ETS1: variants seen among roughly 807,000 people sequenced by gnomAD.
ETS1 encodes ETS proto-oncogene 1, transcription factor.
Under a neutral mutation model 58.6 loss-of-function variants are expected in ETS1, and 15 were observed. The ratio of observed to expected loss-of-function variants is 0.26; its 90% CI spans 0.17 to 0.39. ETS1 has a LOEUF of 0.39. Ranked by LOEUF, ETS1 falls within the 10% of genes least tolerant of loss-of-function variation. ETS1 has a pLI of 1.00. For missense variants in ETS1, 417 were observed against 610.5 expected, an observed-to-expected ratio of 0.68 and a Z score of 3.34; for synonymous variants, 214 against 218.2, an observed-to-expected ratio of 0.98 and a Z score of 0.17.
chr11:128,575,630 AG>A (rs1864730245), intron 1 of ETS1, among the ~76,000 whole-genome samples: 1 of 152,192 alleles, frequency 6.6e-6, no homozygotes, highest in Admixed American at 6.5e-5. Context: ...CTCTATCTTC[AG>A]GCAGTGGAAT....
chr11:128,476,547 G>A (rs1412643526), intron 8 of ETS1, among the ~76,000 whole-genome samples: 2 of 152,228 alleles, frequency 1.3e-5, no homozygotes, highest in African/African-American at 2.4e-5. Context: ...TATGAAATGG[G>A]ACTAGAGGGG....
chr11:128,540,264 C>T (rs977875007), intron 3 of ETS1, among the ~76,000 whole-genome samples: 6 of 134,920 alleles, frequency 4.4e-5, no homozygotes, highest in East Asian at 2.3e-4. Context: ...ATGCAGTGAG[C>T]GGAGATTGTG....
In ETS1 at chr11:128,545,485, T is replaced by C. The variant is rs975309234; in HGVS notation, c.214+10806A>G. Among the ~76,000 whole-genome samples, 7 of 152,148 alleles carry C rather than the reference T, an allele frequency of 4.6e-5. No homozygotes were observed. In the South Asian group the frequency reaches 6.2e-4, roughly 13 times the overall value. ...GGGGAGGTAAGTTGACCTCTCTGAG[T>C]CTTATTTATCTCATCTGTAAAATGG... On this transcript the variant is annotated intron_variant, in intron 3 of 9. Transcript: ENST00000392668.
At chr11:128,530,708 G>A (rs998127046) in intron 3 of ETS1, among the ~76,000 whole-genome samples, 4 of 152,054 alleles carry the variant, frequency 2.6e-5, no homozygotes, top group African/African-American at 9.7e-5. Flanking sequence ...ACTGTGAGAG[G>A]AAAAAACAAA....
At chr11:128,563,719 G>A (rs1450522747) in intron 2 of ETS1, among the ~76,000 whole-genome samples, 5 of 152,204 alleles carry the variant, frequency 3.3e-5, no homozygotes, top group African/African-American at 9.7e-5. Flanking sequence ...TGCATGAAAG[G>A]TCTTACATTG....
intron 3 of ETS1, among the ~76,000 whole-genome samples, chr11:128,492,827 CAG>C (rs1449315423): frequency 6.6e-6 from 1 of 152,200 alleles, no homozygotes; most frequent in South Asian, 2.1e-4. Context: ...TCTAGTTAAC[CAG>C]AGAGTATTGC....
At chr11:128,504,774 C>G (rs997232778) in intron 3 of ETS1, among the ~76,000 whole-genome samples, 1 of 152,124 alleles carries the variant, frequency 6.6e-6, no homozygotes, top group Admixed American at 6.5e-5. Flanking sequence ...ATCTTCACTA[C>G]TATCAAGTCC....
intron 3 of ETS1, among the ~76,000 whole-genome samples, chr11:128,519,408 C>T (rs1863605470): frequency 6.6e-6 from 1 of 152,188 alleles, no homozygotes; most frequent in Non-Finnish European, 1.5e-5. Context: ...TAAGATCCCA[C>T]ACTAGCTGTC....
chr11:128,571,525 A>C (rs1864633631), intron 2 of ETS1, among the ~76,000 whole-genome samples: 2 of 141,886 alleles, frequency 1.4e-5, no homozygotes, highest in Non-Finnish European at 3.0e-5. Context: ...AAAAAAAAAA[A>C]AAAAAAAAAA....
rs768643755 is a variant in ETS1, at chr11:128,573,050, G to A, written c.69+12C>T. 57 of 1,598,140 alleles carry A rather than the reference G, an allele frequency of 3.6e-5. 1 individual carries two copies. The highest frequency in any genetic ancestry group is 1.7e-4 in the Middle Eastern group (1 of 6,030). On this transcript the variant is annotated intron_variant, in intron 2 of 9. Coordinates refer to ENST00000392668, the MANE Select transcript of ETS1 (RefSeq NM_001143820.2). ...GTGTGGGCAAAGGGGCAGGGAAGGGGCCACCACTCACCACCACTGCAGGAC... is the reference window on the plus strand; with the variant it reads ...GTGTGGGCAAAGGGGCAGGGAAGGGACCACCACTCACCACCACTGCAGGAC...
chr11:128,529,955 C>T (rs1230764395), intron 3 of ETS1, among the ~76,000 whole-genome samples: 1 of 152,132 alleles, frequency 6.6e-6, no homozygotes, highest in Non-Finnish European at 1.5e-5. Flanking sequence ...ATGTACTCTC[C>T]TGAAAAGGGT....
At chr11:128,564,375 C>A (rs111322628) in intron 2 of ETS1, among the ~76,000 whole-genome samples, 1 of 152,190 alleles carries the variant, frequency 6.6e-6, no homozygotes, top group African/African-American at 2.4e-5. Context: ...AGGCCTGACA[C>A]GCTGCAGGTT....
At chr11:128,573,971 C>T (rs532244323) in intron 1 of ETS1, among the ~76,000 whole-genome samples, 19 of 152,314 alleles carry the variant, frequency 1.2e-4, no homozygotes, top group South Asian at 2.1e-4. Flanking sequence ...TAGGAAGTGA[C>T]GCTTTAACTT....
At chr11:128,547,962 A>T (rs1001153758) in intron 3 of ETS1, among the ~76,000 whole-genome samples, 2 of 152,020 alleles carry the variant, frequency 1.3e-5, no homozygotes, top group African/African-American at 4.8e-5. Context: ...ACTACATTTC[A>T]TGTTTGACTG....
intron 3 of ETS1, among the ~76,000 whole-genome samples, chr11:128,493,103 G>A (rs749808975): frequency 6.6e-6 from 1 of 152,156 alleles, no homozygotes; most frequent in Non-Finnish European, 1.5e-5. Context: ...GGAAAACACA[G>A]GCCAGGCCAA....
At chr11:128,552,375 A>C (rs1864243695) in intron 3 of ETS1, among the ~76,000 whole-genome samples, 1 of 152,244 alleles carries the variant, frequency 6.6e-6, no homozygotes, top group African/African-American at 2.4e-5. Context: ...GCATTCTACA[A>C]GAAAAAGTAT....
At chr11:128,468,167 AC>A (rs774205649) in intron 8 of ETS1, among the ~76,000 whole-genome samples, 2 of 152,100 alleles carry the variant, frequency 1.3e-5, no homozygotes, top group African/African-American at 4.8e-5. Context: ...CCCTAAGGGG[AC>A]CCCCAAGGCT....
intron 8 of ETS1, among the ~76,000 whole-genome samples, chr11:128,470,566 A>G (rs1862160516): frequency 6.6e-6 from 1 of 152,232 alleles, no homozygotes; most frequent in Admixed American, 6.5e-5. Context: ...AGAGAAAGAC[A>G]CTTAAAGAGG....
At position 128,543,032 on chromosome 11, in the gene ETS1, G is replaced by A. The variant is rs548462145; in HGVS notation, c.214+13259C>T. 7.3e-4 allele frequency among the ~76,000 whole-genome samples: 111 copies of A among 151,850 alleles called. 1 individual carries two copies. The highest frequency in any genetic ancestry group is 2.4e-3 in the African/African-American group (100 of 41,424). Reference sequence around the variant, plus strand: ...TACTAAAAAAATACAAAAATTAGCCGGGCATGGTGGCAAGCGACTGTAATC... The same window carrying A: ...TACTAAAAAAATACAAAAATTAGCCAGGCATGGTGGCAAGCGACTGTAATC... On this transcript the variant is annotated intron_variant, in intron 3 of 9. Transcript: ENST00000392668.
Sources: gnomAD v4.1 joint callset for allele counts (sites outside exome capture counted in the v4.1 genomes callset) on GRCh38, gnomAD v4.1.1 for gene constraint, MANE v1.5 for transcripts, NCBI Gene and HGNC (gene_info 2026-07-23, HGNC 2026-07-21) for gene names.